SLC9D1: variants seen among roughly 807,000 people sequenced by gnomAD.
The protein encoded by SLC9D1 is solute carrier family 9 member D1.
chr13:113,525,575 T>A, the SLC9D1 span, among the ~76,000 whole-genome samples: 1 of 130,054 alleles, frequency 7.7e-6, no homozygotes, highest in South Asian at 2.2e-4. Flanking sequence ...AGACGACAGC[T>A]CTGTGCCGGT....
chr13:113,492,533 C>T, the SLC9D1 span, among the ~76,000 whole-genome samples: 1 of 152,186 alleles, frequency 6.6e-6, no homozygotes, highest in African/African-American at 2.4e-5. Flanking sequence ...TGTGTGTCTT[C>T]TCAATAAAAT....
At chr13:113,530,989 G>A in the SLC9D1 span, among the ~76,000 whole-genome samples, 1 of 152,272 alleles carries the variant, frequency 6.6e-6, no homozygotes, top group East Asian at 1.9e-4. Flanking sequence ...TGGGAAGTGG[G>A]GTACCTTGGG....
chr13:113,500,869 G>A, the SLC9D1 span, among the ~76,000 whole-genome samples: 1 of 152,212 alleles, frequency 6.6e-6, no homozygotes, highest in Non-Finnish European at 1.5e-5. Context: ...ACGATGGAGT[G>A]GGTCCCAGGA....
the SLC9D1 span, chr13:113,520,885 C>G: frequency 6.3e-6 from 4 of 630,826 alleles, no homozygotes; most frequent in South Asian, 7.5e-5. Context: ...TTGCTCACGC[C>G]CTGGCTCTGT....
At chr13:113,495,740 C>G in the SLC9D1 span, 1 of 1,614,018 alleles carries the variant, frequency 6.2e-7, no homozygotes, top group Non-Finnish European at 8.5e-7. Context: ...TCCGGGACAG[C>G]TGCAGGAAGC....
the SLC9D1 span, chr13:113,527,645 G>A: frequency 2.4e-4 from 36 of 152,306 alleles, no homozygotes; most frequent in African/African-American, 8.7e-4. Flanking sequence ...CATACATCCT[G>A]GAGCAGATTT....
At chr13:113,539,321 G>A in the SLC9D1 span, 2 of 1,602,308 alleles carry the variant, frequency 1.2e-6, no homozygotes. This position sits in a 1 kb window ranked among gnomAD's most constrained non-coding sequence, Gnocchi z 4.8. Context: ...GGTGCACTGT[G>A]GGGTCTCATG....
chr13:113,525,614 GC>G, the SLC9D1 span, among the ~76,000 whole-genome samples: 1 of 90,068 alleles, frequency 1.1e-5, no homozygotes, highest in African/African-American at 5.1e-5. Context: ...CGTCATCATA[GC>G]AGACGACAGC....
chr13:113,547,460 C>T, the SLC9D1 span: 2 of 1,184,884 alleles, frequency 1.7e-6, no homozygotes, highest in East Asian at 2.4e-5. Flanking sequence ...TCCAGTGGGG[C>T]CCACATCGGG....
chr13:113,521,118 CTG>C, the SLC9D1 span, among the ~76,000 whole-genome samples: 2 of 150,894 alleles, frequency 1.3e-5, no homozygotes, highest in South Asian at 2.1e-4. Flanking sequence ...GAGGGAGTAT[CTG>C]TGTGTGTGTG....
the SLC9D1 span, among the ~76,000 whole-genome samples, chr13:113,549,190 G>A: frequency 6.6e-6 from 1 of 152,164 alleles, no homozygotes; most frequent in African/African-American, 2.4e-5. Context: ...AGAGATAGTA[G>A]TGAATTTATG....
chr13:113,505,148 GTTGT>G, the SLC9D1 span: 252 of 152,268 alleles, frequency 1.7e-3, 1 homozygote, highest in African/African-American at 5.6e-3. Flanking sequence ...TTTGGATGGG[GTTGT>G]TTGTTTTTTT....
chr13:113,503,362 T>A, the SLC9D1 span: 1 of 603,958 alleles, frequency 1.7e-6, no homozygotes, highest in Admixed American at 2.9e-5. Flanking sequence ...TGTGTGTGTG[T>A]GTGTGTGTGT....
the SLC9D1 span, chr13:113,496,054 G>A: frequency 6.2e-5 from 92 of 1,475,606 alleles, no homozygotes; most frequent in Non-Finnish European, 8.3e-5. Context: ...GAGAGAGAGA[G>A]AGGGAGAGGG....
At chr13:113,501,665 T>C in the SLC9D1 span, 1 of 1,033,150 alleles carries the variant, frequency 9.7e-7, no homozygotes. Flanking sequence ...ATCGGGGAAC[T>C]ACGTCCTGTT....
the SLC9D1 span, among the ~76,000 whole-genome samples, chr13:113,542,930 A>G: frequency 1.3e-5 from 2 of 152,060 alleles, no homozygotes; most frequent in Admixed American, 6.5e-5. Flanking sequence ...ACCATTCAGC[A>G]GGGGCTTCGT....
At chr13:113,509,163 G>A in the SLC9D1 span, among the ~76,000 whole-genome samples, 5 of 150,650 alleles carry the variant, frequency 3.3e-5, no homozygotes, top group Non-Finnish European at 1.5e-5. Flanking sequence ...AGTATGTTGG[G>A]GCTGGCGGGC....
At chr13:113,514,029 C>A in the SLC9D1 span, among the ~76,000 whole-genome samples, 56 of 151,888 alleles carry the variant, frequency 3.7e-4, no homozygotes, top group Non-Finnish European at 7.5e-4. Flanking sequence ...AGCTATCCAA[C>A]GTAAGAAAAT....
At chr13:113,523,020 G>A in the SLC9D1 span, among the ~76,000 whole-genome samples, 1 of 152,020 alleles carries the variant, frequency 6.6e-6, no homozygotes, top group African/African-American at 2.4e-5. Context: ...CGTTGGTTTA[G>A]GTATATAATT....
Sources: allele counts gnomAD v4.1 joint callset (sites outside exome capture counted in the v4.1 genomes callset), GRCh38; gene constraint gnomAD v4.1.1; non-coding constraint Gnocchi (gnomAD v3.1); transcripts MANE v1.5; gene names NCBI Gene and HGNC (gene_info 2026-07-23, HGNC 2026-07-21).